RABGAP1L: variants seen among roughly 807,000 people sequenced by gnomAD.
RABGAP1L encodes the protein RAB GTPase activating protein 1 like, also known as rab GTPase-activating protein 1-like.
Under a neutral mutation model 137.7 loss-of-function variants are expected in RABGAP1L, and 63 were observed. That is an observed-to-expected ratio of 0.46 (90% confidence interval 0.37 to 0.56). RABGAP1L has a LOEUF of 0.56. Among genes scored for constraint, RABGAP1L ranks in the 20% least tolerant of loss-of-function variants. The probability of loss-of-function intolerance (pLI) is 0.00; values close to 1 mark genes in which losing one functional copy is unlikely to be tolerated. For missense variants in RABGAP1L, 1,095 were observed against 1,244.0 expected, an observed-to-expected ratio of 0.88 and a Z score of 1.80; for synonymous variants, 431 against 433.7, an observed-to-expected ratio of 0.99 and a Z score of 0.08.
chr1:174,160,642 T>G (rs6658347), intron 1 of RABGAP1L, among the ~76,000 whole-genome samples: 2,159 of 152,222 alleles, frequency 0.014, 63 homozygotes, highest in African/African-American at 0.05. Flanking sequence ...GTTTGGAAAA[T>G]GATTTTAAGG....
At chr1:174,455,851 T>C (rs1655983875) in intron 13 of RABGAP1L, among the ~76,000 whole-genome samples, 1 of 152,260 alleles carries the variant, frequency 6.6e-6, no homozygotes, top group Middle Eastern at 3.4e-3. Flanking sequence ...GAGTAAACAC[T>C]ATCTCATTTC....
chr1:174,172,216 GTATA>G (rs869221135), intron 1 of RABGAP1L, among the ~76,000 whole-genome samples: 29 of 128,018 alleles, frequency 2.3e-4, no homozygotes, highest in African/African-American at 8.4e-4. Context: ...GTGTGTGTGT[GTATA>G]TATGCCACAA....
intron 19 of RABGAP1L, among the ~76,000 whole-genome samples, chr1:174,851,378 A>T (rs745609678): frequency 2.0e-5 from 3 of 152,146 alleles, no homozygotes; most frequent in Non-Finnish European, 4.4e-5. Context: ...CATTGGTGCC[A>T]TAAGTAGAAT....
At chr1:174,436,280 A>G (rs1653286729) in intron 13 of RABGAP1L, among the ~76,000 whole-genome samples, 1 of 152,202 alleles carries the variant, frequency 6.6e-6, no homozygotes. Context: ...CAACAGTGTA[A>G]AAGTGTCCTG....
intron 1 of RABGAP1L, among the ~76,000 whole-genome samples, chr1:174,218,580 C>G (rs1025927439): frequency 6.6e-6 from 1 of 152,010 alleles, no homozygotes; most frequent in East Asian, 1.9e-4. Context: ...GATAATGTGT[C>G]AGGAAAGAGA....
chr1:174,467,239 A>G (rs1258879116), intron 13 of RABGAP1L, among the ~76,000 whole-genome samples: 2 of 152,188 alleles, frequency 1.3e-5, no homozygotes, highest in African/African-American at 4.8e-5. Flanking sequence ...TGAAGCATCA[A>G]TGTTACCATC....
chr1:174,688,062 C>G (rs935186811), intron 15 of RABGAP1L, among the ~76,000 whole-genome samples: 1 of 152,076 alleles, frequency 6.6e-6, no homozygotes, highest in Admixed American at 6.5e-5. Flanking sequence ...AGAAATTTGT[C>G]ATTTACAGTT....
At chr1:174,547,015 G>A (rs1190422278) in intron 13 of RABGAP1L, among the ~76,000 whole-genome samples, 4 of 116,102 alleles carry the variant, frequency 3.4e-5, no homozygotes, top group Non-Finnish European at 4.9e-5. Flanking sequence ...GGGCGAAAGA[G>A]CGAGACTCTG....
intron 14 of RABGAP1L, among the ~76,000 whole-genome samples, chr1:174,675,583 G>T (rs1677559831): frequency 6.6e-6 from 1 of 151,814 alleles, no homozygotes; most frequent in South Asian, 2.1e-4. Context: ...CTCTTTTTTG[G>T]TTCCATATGA....
intron 19 of RABGAP1L, among the ~76,000 whole-genome samples, chr1:174,919,691 A>G (rs1263727452): frequency 6.6e-6 from 1 of 151,464 alleles, no homozygotes; most frequent in African/African-American, 2.4e-5. Flanking sequence ...GTGTTTCTAC[A>G]AAAAAAAATT....
At chr1:174,898,359 A>T (rs1256363637) in intron 19 of RABGAP1L, among the ~76,000 whole-genome samples, 4 of 152,210 alleles carry the variant, frequency 2.6e-5, no homozygotes. Context: ...GCTCTTAATA[A>T]TTATTCCAAA....
chr1:174,966,983 A>G (rs1669684306), intron 20 of RABGAP1L, among the ~76,000 whole-genome samples: 1 of 152,002 alleles, frequency 6.6e-6, no homozygotes, highest in Admixed American at 6.5e-5. Context: ...ATATATATTC[A>G]TTGTAGAAAA....
intron 18 of RABGAP1L, among the ~76,000 whole-genome samples, chr1:174,790,563 G>C (rs950548614): frequency 1.3e-5 from 2 of 151,400 alleles, no homozygotes; most frequent in Admixed American, 6.6e-5. Context: ...GAACCCAGGA[G>C]GCAGAGGTTG....
chr1:174,731,728 G>C (rs1316906266), intron 17 of RABGAP1L, among the ~76,000 whole-genome samples: 1 of 152,148 alleles, frequency 6.6e-6, no homozygotes, highest in East Asian at 1.9e-4. Context: ...AGATTCTATA[G>C]GCATATTCTG....
chr1:174,865,180 G>A (rs1347467705), intron 19 of RABGAP1L, among the ~76,000 whole-genome samples: 1 of 151,978 alleles, frequency 6.6e-6, no homozygotes, highest in African/African-American at 2.4e-5. Flanking sequence ...TATATTAGCA[G>A]TAAAAAGAAC....
intron 22 of RABGAP1L, among the ~76,000 whole-genome samples, chr1:174,977,929 AT>A (rs1349058703): frequency 6.6e-6 from 1 of 152,356 alleles, no homozygotes; most frequent in Non-Finnish European, 1.5e-5. Context: ...AATTGCAATA[AT>A]TTATGAACTA....
Position 174,649,028 on chromosome 1 carries a change from C to CT in RABGAP1L, c.1824+11548dup, listed in dbSNP as rs879026387. Among the ~76,000 whole-genome samples the CT allele has an allele frequency of 1.4e-4, 22 of 151,792 alleles. 1 individual carries two copies. Among genetic ancestry groups the CT allele is most frequent in the Middle Eastern group, 6.8e-3 (2 of 294 alleles). On this transcript the variant is annotated intron_variant, in intron 14 of 25. Coordinates refer to ENST00000681986, the MANE Select transcript of RABGAP1L (RefSeq NM_001366446.1). ...TCAGAGACTAGGATTGCCACCCCTG[C>CT]TTTTTTTTGCTTTCCATTTGCTTGG...
At chr1:174,439,671 G>A (rs985629156) in intron 13 of RABGAP1L, among the ~76,000 whole-genome samples, 3 of 152,136 alleles carry the variant, frequency 2.0e-5, no homozygotes, top group African/African-American at 7.2e-5. Context: ...GCATTTTCTA[G>A]CTTTTTCTTG....
chr1:174,861,051 T>A (rs1002971896), intron 19 of RABGAP1L, among the ~76,000 whole-genome samples: 3 of 152,182 alleles, frequency 2.0e-5, no homozygotes, highest in African/African-American at 7.2e-5. Context: ...CAGAACTTTG[T>A]CATCTTATAA....
Sources: allele counts gnomAD v4.1 joint callset (sites outside exome capture counted in the v4.1 genomes callset), GRCh38; gene constraint gnomAD v4.1.1; transcripts MANE v1.5; gene names NCBI Gene and HGNC (gene_info 2026-07-23, HGNC 2026-07-21).